SV2C: variants seen among roughly 807,000 people sequenced by gnomAD.
SV2C encodes synaptic vesicle glycoprotein 2C.
A neutral mutation model predicts 79.7 loss-of-function variants in SV2C; 49 were observed. The observed-to-expected ratio is 0.61, with a 90% CI of 0.49 to 0.78. The LOEUF (loss-of-function observed/expected upper bound fraction) is 0.78, where lower values mean the gene tolerates loss of function less well. SV2C is among the 30% of genes least tolerant of loss of function. The pLI is 0.00. For missense variants in SV2C, 833 were observed against 912.9 expected (o/e 0.91, Z 1.13); for synonymous variants, 334 against 333.2 (o/e 1.00, Z -0.03).
chr5:75,939,059 C>T, the SV2C span, among the ~76,000 whole-genome samples: 1 of 152,066 alleles, frequency 6.6e-6, no homozygotes, highest in Admixed American at 6.5e-5. Flanking sequence ...GGGAGGGCCT[C>T]CAGAGCATGA....
At chr5:76,104,557 C>T (rs929154456) in intron 1 of SV2C, among the ~76,000 whole-genome samples, 7 of 152,296 alleles carry the variant, frequency 4.6e-5, no homozygotes, top group African/African-American at 1.7e-4. Flanking sequence ...GCTGCAAAAA[C>T]GTTTCTTCAA....
At chr5:75,910,143 A>C in the SV2C span, 2 of 310,452 alleles carry the variant, frequency 6.4e-6, no homozygotes, top group Non-Finnish European at 1.2e-5. Flanking sequence ...CTCCAGTTTA[A>C]AATAGTTTTG....
At chr5:76,225,470 G>A (rs1286357803) in intron 4 of SV2C, among the ~76,000 whole-genome samples, 1 of 152,158 alleles carries the variant, frequency 6.6e-6, no homozygotes, top group African/African-American at 2.4e-5. Flanking sequence ...CTGAGAACTG[G>A]GTGGCAGGAG....
chr5:75,949,578 C>T, the SV2C span, among the ~76,000 whole-genome samples: 2 of 151,924 alleles, frequency 1.3e-5, no homozygotes, highest in African/African-American at 2.4e-5. Context: ...AGGGGAAGTT[C>T]CCCCATACTG....
chr5:76,260,209 T>C (rs1162816991), intron 4 of SV2C, among the ~76,000 whole-genome samples: 1 of 152,234 alleles, frequency 6.6e-6, no homozygotes, highest in Non-Finnish European at 1.5e-5. Context: ...ATGAGCTTTT[T>C]TTCCTATGTT....
chr5:75,891,952 A>G, the SV2C span, among the ~76,000 whole-genome samples: 1 of 152,100 alleles, frequency 6.6e-6, no homozygotes, highest in Non-Finnish European at 1.5e-5. Context: ...GCTTAGGGCC[A>G]GATAAACCCT....
chr5:75,849,230 A>G, the SV2C span, among the ~76,000 whole-genome samples: 3 of 152,248 alleles, frequency 2.0e-5, no homozygotes, highest in Admixed American at 1.3e-4. Flanking sequence ...CAGGTTCTGC[A>G]TGTGAGATAA....
chr5:75,966,226 T>C, the SV2C span, among the ~76,000 whole-genome samples: 1 of 152,222 alleles, frequency 6.6e-6, no homozygotes, highest in Non-Finnish European at 1.5e-5. Context: ...TTAGTTATGA[T>C]TGAGATTTAT....
chr5:76,175,676 T>C (rs1743504029), intron 2 of SV2C, among the ~76,000 whole-genome samples: 1 of 152,242 alleles, frequency 6.6e-6, no homozygotes, highest in African/African-American at 2.4e-5. Context: ...GTATGTTAAA[T>C]TGCTAAGTAA....
At chr5:75,887,410 T>C in the SV2C span, among the ~76,000 whole-genome samples, 1 of 151,942 alleles carries the variant, frequency 6.6e-6, no homozygotes, top group Non-Finnish European at 1.5e-5. Flanking sequence ...TCTGCCTCTA[T>C]GAGCTCAACT....
the SV2C span, among the ~76,000 whole-genome samples, chr5:75,970,302 A>G: frequency 6.6e-6 from 1 of 152,120 alleles, no homozygotes; most frequent in Non-Finnish European, 1.5e-5. Context: ...AAGCTAGCAG[A>G]AGGCAAGAAA....
At chr5:76,116,335 G>A (rs1191316884) in intron 1 of SV2C, among the ~76,000 whole-genome samples, 1 of 152,142 alleles carries the variant, frequency 6.6e-6, no homozygotes, top group Non-Finnish European at 1.5e-5. Context: ...TGTGTGTTTT[G>A]TTCAGTCTCT....
the SV2C span, among the ~76,000 whole-genome samples, chr5:76,064,786 G>A: frequency 3.2e-4 from 49 of 152,172 alleles, no homozygotes; most frequent in Middle Eastern, 3.4e-3. Context: ...CAAATATCGT[G>A]TTCTGAGAAC....
intron 9 of SV2C, 147 bp downstream of exon 9, chr5:76,296,089 T>G (rs993004547): frequency 2.9e-6 from 2 of 685,760 alleles, no homozygotes; most frequent in African/African-American, 3.7e-5. Context: ...TTTCAATACT[T>G]CTTAATAGGC....
At chr5:75,898,346 T>C in the SV2C span, among the ~76,000 whole-genome samples, 1 of 152,344 alleles carries the variant, frequency 6.6e-6, no homozygotes, top group East Asian at 1.9e-4. Context: ...TTGTCTTTGG[T>C]TCTCTTTATA....
chr5:76,233,323 C>G (rs1334753825), intron 4 of SV2C, among the ~76,000 whole-genome samples: 92 of 136,048 alleles, frequency 6.8e-4, no homozygotes, highest in African/African-American at 3.1e-3. Flanking sequence ...TGCTTATCAG[C>G]TTAAGGAGAT....
chr5:76,279,487 G>A (rs188698003), intron 4 of SV2C, among the ~76,000 whole-genome samples: 6 of 152,338 alleles, frequency 3.9e-5, no homozygotes, highest in African/African-American at 1.2e-4. Context: ...CTAGCATGTA[G>A]TGATGCAGAA....
At chr5:76,345,823 T>G (rs935412324) in intron 12 of SV2C, among the ~76,000 whole-genome samples, 1 of 152,058 alleles carries the variant, frequency 6.6e-6, no homozygotes, top group Non-Finnish European at 1.5e-5. Context: ...CCACCTGACA[T>G]CACATAGCTA....
the SV2C span, among the ~76,000 whole-genome samples, chr5:76,030,645 C>A: frequency 6.6e-6 from 1 of 152,010 alleles, no homozygotes; most frequent in Non-Finnish European, 1.5e-5. Context: ...TGGTTGGCAG[C>A]CGTATTCTGT....
Sources: gnomAD v4.1 joint callset for allele counts (sites outside exome capture counted in the v4.1 genomes callset) on GRCh38, gnomAD v4.1.1 for gene constraint, MANE v1.5 for transcripts, NCBI Gene and HGNC (gene_info 2026-07-23, HGNC 2026-07-21) for gene names.